Variants in ARHGEF1 observed in about 807,000 individuals in gnomAD.
The protein encoded by ARHGEF1 is Rho guanine nucleotide exchange factor 1.
Under a neutral mutation model 119.7 loss-of-function variants are expected in ARHGEF1, and 40 were observed. The ratio of observed to expected loss-of-function variants is 0.33; its 90% CI spans 0.26 to 0.44. The LOEUF (loss-of-function observed/expected upper bound fraction) is 0.44. ARHGEF1 is among the 20% of genes least tolerant of loss of function. ARHGEF1 has a pLI of 1.00. For synonymous variants in ARHGEF1, 494 were observed against 521.0 expected (o/e 0.95, Z 0.71); for missense variants, 976 against 1,268.3 (o/e 0.77, Z 3.50).
chr19:41,911,038 T>C (rs1158423472), downstream of ARHGEF1, among the ~76,000 whole-genome samples: 2 of 152,084 alleles, frequency 1.3e-5, no homozygotes, highest in Non-Finnish European at 2.9e-5. Flanking sequence ...ATGGAGACGG[T>C]GAACACAGCA....
chr19:41,930,012 G>C (rs192745501), exon 3 of ARHGEF1: 1 of 152,234 alleles, frequency 6.6e-6, no homozygotes, highest in Non-Finnish European at 1.5e-5. Flanking sequence ...TCCTAGAGTG[G>C]TTGGGAAGGT....
At position 41,888,690 on chromosome 19, in the gene ARHGEF1, A is replaced by C; in HGVS notation, c.112-62A>C. 1.4e-6 allele frequency: 2 copies of C among 1,479,234 alleles called. No homozygotes were observed. Among genetic ancestry groups the C allele is most frequent in the Non-Finnish European group, 1.9e-6 (2 of 1,061,150 alleles). 91.6% of individuals were successfully genotyped at this position (1,479,234 alleles called of 1,614,324 possible). ...CCCTTGTGAAGTGCCAGGAATGGGTAGGGTCAACCCTAAGGCCCCTCCTCT... is the reference window on the plus strand; with the variant it reads ...CCCTTGTGAAGTGCCAGGAATGGGTCGGGTCAACCCTAAGGCCCCTCCTCT... On this transcript the variant is annotated intron_variant, in intron 3 of 28. Transcript: ENST00000354532. This position sits in a 1 kb window ranked among gnomAD's most constrained non-coding sequence, Gnocchi z 5.1.
chr19:41,915,945 C>T (rs912981088), intron 18 of ARHGEF1, among the ~76,000 whole-genome samples: 7 of 152,132 alleles, frequency 4.6e-5, no homozygotes, highest in Non-Finnish European at 1.0e-4. Context: ...CCCCTCCCCC[C>T]CGCCGGCCGG....
At chr19:41,921,938 C>T (rs2074844707), upstream of ARHGEF1, among the ~76,000 whole-genome samples, 1 of 143,454 alleles carries the variant, frequency 7.0e-6, no homozygotes, top group Non-Finnish European at 1.5e-5. The surrounding 1 kb of genome is among the most constrained non-coding windows in gnomAD (Gnocchi z 4.4). Flanking sequence ...CCATCCTCTA[C>T]CTCTCCTCCT....
At chr19:41,894,415 A>G in intron 9 of ARHGEF1, 36 bp from the exon 10 acceptor site, 2 of 1,530,286 alleles carry the variant, frequency 1.3e-6, no homozygotes, top group Admixed American at 2.1e-5. Context: ...TGTCTCAGAG[A>G]TGCTTAGCCT....
intron 12 of ARHGEF1, 49 bp from the exon 13 acceptor site, chr19:41,896,328 T>C: frequency 9.4e-7 from 1 of 1,063,776 alleles, no homozygotes; most frequent in Non-Finnish European, 1.2e-6. Context: ...AGTGTGGGTC[T>C]CGTGGCCGCA....
At chr19:41,890,339 C>T (rs1255955469) in intron 4 of ARHGEF1, 1 of 148,098 alleles carries the variant, frequency 6.8e-6, no homozygotes, top group Non-Finnish European at 1.5e-5. Context: ...GAGTGAAACC[C>T]TGTCTTGAAA....
In ARHGEF1 at chr19:41,892,583, C is replaced by T. The variant is rs374142786; in HGVS notation, c.368-20C>T. ...AGCCACCAGGGAGCTGGACCCTAGC[C>T]CCCATGTGTGTCCCTGCAGACCGCA... On this transcript the variant is annotated intron_variant, in intron 6 of 28. Coordinates refer to ENST00000354532, the MANE Select transcript of ARHGEF1 (RefSeq NM_004706.4). This position sits in a 1 kb window ranked among gnomAD's most constrained non-coding sequence, Gnocchi z 6.3. 9.5e-6 allele frequency: 15 copies of T among 1,571,184 alleles called. No individual in the cohort carries two copies. The highest frequency in any genetic ancestry group is 1.3e-5 in the Non-Finnish European group (15 of 1,153,378).
chr19:41,907,192 G>A lies in ARHGEF1; in HGVS notation c.*105G>A. 1 of 1,523,418 alleles carries A rather than the reference G, an allele frequency of 6.6e-7. No individual in the cohort carries two copies. The highest frequency in any genetic ancestry group is 8.8e-7 in the Non-Finnish European group (1 of 1,141,446). The allele number at this position is 1,523,418 out of a possible 1,614,324, so 94.4% of individuals were successfully genotyped here. ...CTGCCGCAGCATCTCACACCCCGAGGGCCTGAGGAGAGGGAGCTGTGGGCC... is the reference window on the plus strand; with the variant it reads ...CTGCCGCAGCATCTCACACCCCGAGAGCCTGAGGAGAGGGAGCTGTGGGCC... On this transcript the variant is annotated 3_prime_UTR_variant, in exon 29 of 29. Transcript: ENST00000354532.
In ARHGEF1 at chr19:41,916,417, TCACA is replaced by T. The variant is rs137911544; in HGVS notation, c.1866-6664_1866-6661del. Among the ~76,000 whole-genome samples the T allele has an allele frequency of 4.0e-5, 6 of 151,094 alleles. No homozygotes were observed. Among genetic ancestry groups the T allele is most frequent in the East Asian group, 2.0e-4 (1 of 5,110 alleles). On this transcript the variant is annotated intron_variant, in intron 18 of 20. Transcript: ENST00000599589. This position sits in a 1 kb window ranked among gnomAD's most constrained non-coding sequence, Gnocchi z 5.4. ...AAGTCACACACCAACACTGTCACAG[TCACA>T]CACACACACATCAGCATAGTCACAG...
chr19:41,918,095 C>A (rs782557428), upstream of ARHGEF1, among the ~76,000 whole-genome samples: 19 of 151,948 alleles, frequency 1.3e-4, no homozygotes, highest in Non-Finnish European at 1.9e-4. Flanking sequence ...CATGCCCCCC[C>A]ATCCCGGACG....
downstream of ARHGEF1, among the ~76,000 whole-genome samples, chr19:41,912,437 G>T (rs1449775351): frequency 1.3e-5 from 2 of 152,192 alleles, no homozygotes; most frequent in Non-Finnish European, 2.9e-5. Context: ...GTGCCTGCAC[G>T]TACCCCTGAC....
At chr19:41,923,451 GAGAC>G (rs148967519) in intron 1 of ARHGEF1, among the ~76,000 whole-genome samples, 41 of 151,406 alleles carry the variant, frequency 2.7e-4, no homozygotes, top group African/African-American at 8.5e-4. Flanking sequence ...GAGAGACTGG[GAGAC>G]AGACAGACAG....
At chr19:41,894,981 G>A (rs1359589918) in intron 11 of ARHGEF1, among the ~76,000 whole-genome samples, 1 of 145,708 alleles carries the variant, frequency 6.9e-6, no homozygotes, top group Admixed American at 6.6e-5. Flanking sequence ...CCCTGGGTCC[G>A]AGGTAGGAGG....
At position 41,904,371 on chromosome 19, in the gene ARHGEF1, G is replaced by A. The variant is rs201127336; in HGVS notation, c.2149G>A (p.Glu717Lys). The change falls in exon 22 of 29, where the codon GAG becomes AAG. Residue 717 changes from glutamate to lysine, a missense_variant. Glu to Lys is a moderately conservative substitution (Grantham distance 56, BLOSUM62 1). Transcript: ENST00000354532. The surrounding 1 kb of genome is among the most constrained non-coding windows in gnomAD (Gnocchi z 8.4). ...GCGGCTCACCTCCGCCATGACCCGC[G>A]AGGTGGCCACCGGTGAGTGCAGCCA... is the stretch of plus-strand genomic sequence containing the variant. ...VLRLTSAMTR[E>K]VATDHKAFYV... 89 of 1,577,896 alleles carry A rather than the reference G, an allele frequency of 5.6e-5. No homozygotes were observed. The African/African-American group carries it at 1.0e-3, about 18-fold the overall frequency.
chr19:41,907,402 T>C lies in ARHGEF1; in HGVS notation c.*315T>C. 6.5e-7 allele frequency: 1 copy of C among 1,534,566 alleles called. No individual in the cohort carries two copies. The highest frequency in any genetic ancestry group is 8.7e-7 in the Non-Finnish European group (1 of 1,146,414). On this transcript the variant is annotated 3_prime_UTR_variant, in exon 29 of 29. Transcript: ENST00000354532. The stretch of plus-strand genomic sequence containing the variant: ...CACCCCCAAGTGCCTTCGCTCTGTT[T>C]TTATACCCTGAATTGGAGGTTTATT...
chr19:41,894,424 C>T (rs2074442972), intron 9 of ARHGEF1, 27 bp from the exon 10 acceptor site: 1 of 1,538,224 alleles, frequency 6.5e-7, no homozygotes, highest in Non-Finnish European at 8.8e-7. Flanking sequence ...GATGCTTAGC[C>T]TGGTCTTCCT....
At chr19:41,896,081 G>T (rs1449515501) in intron 12 of ARHGEF1, among the ~76,000 whole-genome samples, 1 of 152,182 alleles carries the variant, frequency 6.6e-6, no homozygotes, top group African/African-American at 2.4e-5. Context: ...CGACCTCAGG[G>T]GGCTGCAGTC....
At position 41,917,298 on chromosome 19, in the gene ARHGEF1, C is replaced by G. The variant is rs766828640; in HGVS notation, c.1866-5794C>G. Reference sequence around the variant, plus strand: ...TCTGTCTCTCTCTGTCTCTGTCCCTCTCTGTCTCTGAGCTCTCTGTCATCT... The same window carrying G: ...TCTGTCTCTCTCTGTCTCTGTCCCTGTCTGTCTCTGAGCTCTCTGTCATCT... On this transcript the variant is annotated intron_variant, in intron 18 of 20. Transcript: ENST00000599589. The surrounding 1 kb of genome is among the most constrained non-coding windows in gnomAD (Gnocchi z 4.8). Among the ~76,000 whole-genome samples the G allele has an allele frequency of 6.6e-6, 1 of 152,114 alleles. No homozygotes were observed. The highest frequency in any genetic ancestry group is 6.5e-5 in the Admixed American group (1 of 15,280).
Sources: gnomAD v4.1 joint callset for allele counts (sites outside exome capture counted in the v4.1 genomes callset) on GRCh38, gnomAD v4.1.1 for gene constraint, Gnocchi (gnomAD v3.1) non-coding constraint, MANE v1.5 for transcripts, NCBI Gene and HGNC (gene_info 2026-07-23, HGNC 2026-07-21) for gene names.